DYNC1I2: variants seen among roughly 807,000 people sequenced by gnomAD.
The protein encoded by DYNC1I2 is dynein cytoplasmic 1 intermediate chain 2.
DYNC1I2 carries 53 observed loss-of-function variants against 88.6 expected under a neutral mutation model. The ratio of observed to expected loss-of-function variants is 0.60; its 90% CI spans 0.48 to 0.75. The LOEUF is 0.75. Among genes scored for constraint, DYNC1I2 ranks in the 30% least tolerant of loss-of-function variants. DYNC1I2 has a pLI of 0.00. For synonymous variants in DYNC1I2, 198 were observed against 254.6 expected, an observed-to-expected ratio of 0.78 and a Z score of 2.12; for missense variants, 458 against 766.6, an observed-to-expected ratio of 0.60 and a Z score of 4.75.
intron 15 of DYNC1I2, among the ~76,000 whole-genome samples, chr2:171,742,183 A>AT (rs112886705): frequency 0.017 from 2,471 of 149,072 alleles, 55 homozygotes; most frequent in African/African-American, 0.053. Context: ...TTATTTTTTT[A>AT]TTTTTTGAGA....
chr2:171,743,961 TG>T (rs1368324138), intron 15 of DYNC1I2, 87 bp from the exon 16 acceptor site: 8 of 1,174,202 alleles, frequency 6.8e-6, no homozygotes, highest in Non-Finnish European at 9.1e-6. Flanking sequence ...ACCTGTTGAA[TG>T]TATGTCATTT....
At chr2:171,690,113 G>A in intron 1 of DYNC1I2, 34 bp from the exon 2 acceptor site, 2 of 1,386,268 alleles carry the variant, frequency 1.4e-6, no homozygotes, top group Non-Finnish European at 2.0e-6. Flanking sequence ...CAACTGTGCT[G>A]CTTTTACTAA....
intron 4 of DYNC1I2, chr2:171,706,825 T>A (rs1686718568): frequency 4.6e-6 from 2 of 436,238 alleles, no homozygotes; most frequent in East Asian, 7.3e-5. Flanking sequence ...AAGTTAATAT[T>A]TTAAAATAAA....
intron 2 of DYNC1I2, among the ~76,000 whole-genome samples, chr2:171,690,997 A>G (rs975052481): frequency 2.6e-5 from 4 of 152,156 alleles, no homozygotes; most frequent in African/African-American, 9.7e-5. Flanking sequence ...TGGTGTATAT[A>G]TATCATAACT....
intron 5 of DYNC1I2, 63 bp downstream of exon 5, chr2:171,707,440 ATAC>A: frequency 1.4e-6 from 2 of 1,438,074 alleles, no homozygotes; most frequent in South Asian, 2.8e-5. Flanking sequence ...AATACTGTTG[ATAC>A]TTTAAAGGGA....
chr2:171,695,265 A>G (rs993811646), intron 3 of DYNC1I2, among the ~76,000 whole-genome samples: 1 of 151,876 alleles, frequency 6.6e-6, no homozygotes, highest in Non-Finnish European at 1.5e-5. Flanking sequence ...ACACCTGACT[A>G]ATTTTTTGTA....
chr2:171,747,000 C>T (rs1190911395), intron 17 of DYNC1I2, among the ~76,000 whole-genome samples: 1 of 151,616 alleles, frequency 6.6e-6, no homozygotes, highest in Non-Finnish European at 1.5e-5. Context: ...TCGAGACCAG[C>T]CTGGCCAACA....
At chr2:171,731,798 T>G (rs985592064) in intron 15 of DYNC1I2, among the ~76,000 whole-genome samples, 4 of 151,880 alleles carry the variant, frequency 2.6e-5, no homozygotes, top group Non-Finnish European at 4.4e-5. Context: ...GACCTTGAAC[T>G]GGGAAAAGCA....
chr2:171,692,410 T>C (rs968373214), intron 2 of DYNC1I2, among the ~76,000 whole-genome samples: 1 of 152,174 alleles, frequency 6.6e-6, no homozygotes, highest in African/African-American at 2.4e-5. Flanking sequence ...GTATGTGATA[T>C]TGTATCTAAC....
intron 14 of DYNC1I2, 43 bp downstream of exon 14, chr2:171,728,893 T>G: frequency 6.4e-7 from 1 of 1,557,892 alleles, no homozygotes; most frequent in Non-Finnish European, 8.7e-7. Context: ...AATTCCTCCT[T>G]TAATCCCATT....
At position 171,701,209 on chromosome 2, in the gene DYNC1I2, G is replaced by A. The variant is rs552005973; in HGVS notation, c.227-5338G>A. The stretch of plus-strand genomic sequence containing the variant: ...TGCTATTTTTCTTTTTTTTGGAGAC[G>A]GAGTCTTGCTCTCTCTCCCGGGCTG... On this transcript the variant is annotated intron_variant, in intron 3 of 17. Transcript: ENST00000397119. 3.9e-5 allele frequency among the ~76,000 whole-genome samples: 6 copies of A among 151,954 alleles called. No individual in the cohort carries two copies. In the East Asian group the frequency reaches 7.7e-4, roughly 20 times the overall value.
intron 10 of DYNC1I2, 65 bp downstream of exon 10, chr2:171,726,358 A>G: frequency 8.9e-7 from 1 of 1,120,208 alleles, no homozygotes; most frequent in Non-Finnish European, 1.3e-6. Flanking sequence ...AGGTCATTTT[A>G]TTTTAATTAT....
intron 7 of DYNC1I2, among the ~76,000 whole-genome samples, chr2:171,724,603 G>A (rs1405991602): frequency 6.6e-6 from 1 of 152,190 alleles, no homozygotes; most frequent in East Asian, 1.9e-4. Context: ...TCGTATGTAT[G>A]TGTGTTTTAG....
chr2:171,748,032 A>G lies in DYNC1I2; in HGVS notation c.*143A>G, dbSNP rs1409195382. On this transcript the variant is annotated 3_prime_UTR_variant, in exon 18 of 18. Transcript: ENST00000397119. ...TGGGTTTAATGCAGCAAGGAAACTT[A>G]CAATGTCCCTTTATATATAACATGC... The G allele has an allele frequency of 3.9e-5, 20 of 519,472 alleles. No homozygotes were observed. The highest frequency in any genetic ancestry group is 3.7e-4 in the African/African-American group (19 of 51,518). 32.2% of individuals were successfully genotyped at this position (519,472 alleles called of 1,614,324 possible).
intron 3 of DYNC1I2, among the ~76,000 whole-genome samples, chr2:171,697,116 T>A (rs1437345958): frequency 6.6e-6 from 1 of 152,120 alleles, no homozygotes; most frequent in African/African-American, 2.4e-5. Context: ...TCCTCTCACC[T>A]CAGCCTCCCA....
At chr2:171,704,456 CCTTTA>C (rs759256924) in intron 3 of DYNC1I2, among the ~76,000 whole-genome samples, 5 of 149,816 alleles carry the variant, frequency 3.3e-5, no homozygotes, top group South Asian at 2.1e-4. Flanking sequence ...TATATTAATT[CCTTTA>C]CTTTATACCA....
At chr2:171,735,157 CTCTT>C (rs1688919133) in intron 15 of DYNC1I2, among the ~76,000 whole-genome samples, 1 of 152,190 alleles carries the variant, frequency 6.6e-6, no homozygotes, top group Admixed American at 6.5e-5. Flanking sequence ...TTCCTTTTCT[CTCTT>C]TCTATGATAA....
chr2:171,704,927 T>G (rs565478367), intron 3 of DYNC1I2, among the ~76,000 whole-genome samples: 13 of 152,296 alleles, frequency 8.5e-5, no homozygotes, highest in Admixed American at 2.6e-4. Context: ...GGATTGTCCC[T>G]TCTGTGGTAT....
intron 7 of DYNC1I2, 24 bp from the exon 8 acceptor site, chr2:171,725,594 G>GTTTTTTTTTTTTTTTTTT: frequency 1.7e-6 from 2 of 1,175,314 alleles, no homozygotes; most frequent in South Asian, 3.5e-5. Context: ...TTGTTTTTTT[G>GTTTTTTTTTTTTTTTTTT]TTTGTTTTTT....
Sources: gnomAD v4.1 joint callset for allele counts (sites outside exome capture counted in the v4.1 genomes callset) on GRCh38, gnomAD v4.1.1 for gene constraint, MANE v1.5 for transcripts, NCBI Gene and HGNC (gene_info 2026-07-23, HGNC 2026-07-21) for gene names.